Variants in SMAD2 observed in about 807,000 individuals in gnomAD.
The protein encoded by SMAD2 is SMAD family member 2.
SMAD2 carries 8 observed loss-of-function variants against 64.4 expected under a neutral mutation model. The observed-to-expected ratio is 0.12, with a 90% CI of 0.07 to 0.22. The LOEUF (loss-of-function observed/expected upper bound fraction) is 0.22. Among genes scored for constraint, SMAD2 ranks in the 10% least tolerant of loss-of-function variants. The pLI, the probability that SMAD2 is intolerant of heterozygous loss-of-function variation, is 1.00. For missense variants in SMAD2, 289 were observed against 561.2 expected (o/e 0.51, Z 4.90); for synonymous variants, 203 against 195.8 (o/e 1.04, Z -0.31).
In SMAD2 at chr18:47,845,376, C is replaced by A; in HGVS notation, c.1244G>T (p.Arg415Ile). 1 of 1,613,946 alleles carries A rather than the reference C, an allele frequency of 6.2e-7. No homozygotes were observed. Reference sequence around the variant, plus strand: ...TCCCCACCCTTTCACAAAACTCATTCTTATGGTGCACATTCTAGTTAGCTG... The same window carrying A: ...TCCCCACCCTTTCACAAAACTCATTATTATGGTGCACATTCTAGTTAGCTG... Reference protein sequence around the residue: ...VYQLTRMCTIRMSFVKGWGAE... With the variant: ...VYQLTRMCTIIMSFVKGWGAE... The change falls in exon 10 of 11, where the codon AGA (arginine) becomes ATA (isoleucine). Residue 415 changes from arginine (R) to isoleucine (I), a missense_variant. Physicochemically the swap from Arg to Ile is moderately conservative, Grantham distance 97. This residue lies in a region of SMAD2 where 20 missense variants were observed against 82.8 expected (regional missense o/e 0.24). Transcript: ENST00000262160.
intron 6 of SMAD2, among the ~76,000 whole-genome samples, chr18:47,855,278 T>C (rs1384618962): frequency 6.6e-6 from 1 of 152,236 alleles, no homozygotes; most frequent in East Asian, 1.9e-4. Flanking sequence ...TCTTGGTTGC[T>C]TCCAAGTTTT....
rs371398520 is a variant in SMAD2, at chr18:47,896,781, C to T, written c.-25G>A. Reference sequence around the variant, plus strand: ...TGTTCTTACCAAAGGCAGCAAGCCACGCTAGGAAAACAGCCTCTTGTATCG... The same window carrying T: ...TGTTCTTACCAAAGGCAGCAAGCCATGCTAGGAAAACAGCCTCTTGTATCG... On this transcript the variant is annotated 5_prime_UTR_variant, in exon 2 of 11. In the 5' UTR this introduces an upstream ATG that the reference lacks. Transcript: ENST00000262160. 90 of 1,609,580 alleles carry T rather than the reference C, an allele frequency of 5.6e-5. No individual in the cohort carries two copies. Among genetic ancestry groups the T allele is most frequent in the Non-Finnish European group, 7.0e-5 (82 of 1,177,998 alleles).
rs942002546 is a variant in SMAD2 at position 47,817,756 on chromosome 18, T to C, written c.*24071A>G. The stretch of plus-strand genomic sequence containing the variant: ...ATGGTTACATGCATCTGTAAATGAT[T>C]TGGCTCTTTTCCCCTGTTTCTGAAC... On this transcript the variant is annotated 3_prime_UTR_variant, in exon 11 of 11. Coordinates refer to ENST00000262160, the MANE Select transcript of SMAD2 (RefSeq NM_005901.6). The C allele has an allele frequency of 6.6e-6, 1 of 152,234 alleles. No homozygotes were observed. Among genetic ancestry groups the C allele is most frequent in the Admixed American group, 6.5e-5 (1 of 15,286 alleles). 9.4% of individuals were successfully genotyped at this position (152,234 alleles called of 1,614,324 possible). A position where few individuals can be genotyped will look rare whatever the true frequency, so the allele number is the denominator to read the frequency against.
rs752085525 is a variant in SMAD2, at chr18:47,854,519, AAC to A, written c.731-3194_731-3193del. ...TTTTTAATTTCTTGTTTTTGTTGTAAACAGTGTATTTCTGTTCTTTTAGCCAA... is the reference window on the plus strand; with the variant it reads ...TTTTTAATTTCTTGTTTTTGTTGTAAAGTGTATTTCTGTTCTTTTAGCCAA... On this transcript the variant is annotated intron_variant, in intron 6 of 10. Coordinates refer to ENST00000262160, the MANE Select transcript of SMAD2 (RefSeq NM_005901.6). 1.2e-4 allele frequency among the ~76,000 whole-genome samples: 18 copies of A among 152,258 alleles called. No homozygotes were observed. The South Asian group carries it at 1.5e-3, about 12-fold the overall frequency.
chr18:47,851,240 TA>T, intron 7 of SMAD2, 33 bp downstream of exon 7: 1 of 1,459,290 alleles, frequency 6.9e-7, no homozygotes, highest in Non-Finnish European at 9.6e-7. Flanking sequence ...TGATACAGTA[TA>T]AAAATGATGA....
At position 47,840,406 on chromosome 18, in the gene SMAD2, G is replaced by A. The variant is rs550615332; in HGVS notation, c.*1421C>T. ...CAGAATGAACTAGCAACAGAGTTTC[G>A]GAAATCTCCTCTCACTACAGAGCAT... On this transcript the variant is annotated 3_prime_UTR_variant, in exon 11 of 11. Transcript: ENST00000262160. 2.0e-4 allele frequency: 46 copies of A among 232,620 alleles called. No homozygotes were observed. Among genetic ancestry groups the A allele is most frequent in the Non-Finnish European group, 3.1e-4 (36 of 117,790 alleles). The allele number at this position is 232,620 out of a possible 1,614,324, so 14.4% of individuals were successfully genotyped here.
In SMAD2 at chr18:47,861,700, A is replaced by G. The variant is rs550838690; in HGVS notation, c.730+3359T>C. ...CAAAAATCTTACTTTCCTATTTTAT[A>G]GAGCTGATCCTAAACCACAAAAATC... On this transcript the variant is annotated intron_variant, in intron 6 of 10. Transcript: ENST00000262160. Among the ~76,000 whole-genome samples the G allele has an allele frequency of 7.9e-5, 12 of 152,334 alleles. No homozygotes were observed. In the East Asian group the frequency reaches 9.7e-4, roughly 12 times the overall value.
rs1010194083 is a variant in SMAD2, at chr18:47,930,554, G to T, written c.-247C>A. The T allele has an allele frequency of 1.3e-5, 2 of 149,064 alleles. No homozygotes were observed. Among genetic ancestry groups the T allele is most frequent in the African/African-American group, 4.9e-5 (2 of 40,624 alleles). 9.2% of individuals were successfully genotyped at this position (149,064 alleles called of 1,614,324 possible). On this transcript the variant is annotated 5_prime_UTR_variant, in exon 1 of 11. Transcript: ENST00000262160. ...CCCGGGCCCGGCCGGCGGCCCGGGC[G>T]CGCGGGAGGGTAGGGGAAGAGAGGG...
intron 10 of SMAD2, 72 bp downstream of exon 10, chr18:47,845,268 C>G (rs1914387515): frequency 7.1e-7 from 1 of 1,399,448 alleles, no homozygotes; most frequent in African/African-American, 1.4e-5. Flanking sequence ...CAAATGAACT[C>G]CAGAATATGC....
intron 2 of SMAD2, among the ~76,000 whole-genome samples, chr18:47,874,803 T>A (rs76185588): frequency 1.3e-5 from 2 of 152,148 alleles, no homozygotes; most frequent in African/African-American, 2.4e-5. Flanking sequence ...GAGGTTCCAA[T>A]GTATGTGTAT....
chr18:47,832,376 G>A lies in SMAD2; in HGVS notation c.*9451C>T, dbSNP rs183750505. On this transcript the variant is annotated 3_prime_UTR_variant, in exon 11 of 11. Coordinates refer to ENST00000262160, the MANE Select transcript of SMAD2 (RefSeq NM_005901.6). ...TTTTAGATTATTTATACAGTGGCAG[G>A]TGGTAGCAATTACAGTAAATTTTCT... The A allele has an allele frequency of 1.3e-5, 2 of 152,284 alleles. No individual in the cohort carries two copies. The highest frequency in any genetic ancestry group is 1.3e-4 in the Admixed American group (2 of 15,302). 9.4% of individuals were successfully genotyped at this position (152,284 alleles called of 1,614,324 possible). A position where few individuals can be genotyped will look rare whatever the true frequency, so the allele number is the denominator to read the frequency against.
rs747216495 is a variant in SMAD2, at chr18:47,828,935, T to TAAAAAAAAAAAAAA, written c.*12878_*12891dup. On this transcript the variant is annotated 3_prime_UTR_variant, in exon 11 of 11. Transcript: ENST00000262160. ...ACACCCAAGAATGATCAATAAATACTAAAAAAAAAAAAAAAAAAAAAAAAA... is the reference window on the plus strand; with the variant it reads ...ACACCCAAGAATGATCAATAAATACTAAAAAAAAAAAAAAAAAAAAAAAAAAAAAAAAAAAAAAA... 3.1e-5 allele frequency: 1 copy of TAAAAAAAAAAAAAA among 32,486 alleles called. No individual in the cohort carries two copies. The highest frequency in any genetic ancestry group is 1.3e-4 in the African/African-American group (1 of 7,776). 2.0% of individuals were successfully genotyped at this position (32,486 alleles called of 1,614,324 possible). A position where few individuals can be genotyped will look rare whatever the true frequency, so the allele number is the denominator to read the frequency against.
At chr18:47,914,370 G>T (rs2034256287) in intron 1 of SMAD2, among the ~76,000 whole-genome samples, 1 of 152,140 alleles carries the variant, frequency 6.6e-6, no homozygotes, top group African/African-American at 2.4e-5. Context: ...GAGTGCTTAA[G>T]CCTAAGAGTC....
At position 47,834,806 on chromosome 18, in the gene SMAD2, A is replaced by T. The variant is rs1275300416; in HGVS notation, c.*7021T>A. 3 of 219,268 alleles carry T rather than the reference A, an allele frequency of 1.4e-5. No homozygotes were observed. Among genetic ancestry groups the T allele is most frequent in the Non-Finnish European group, 2.7e-5 (3 of 109,196 alleles). The allele number at this position is 219,268 out of a possible 1,614,324, so 13.6% of individuals were successfully genotyped here. A position where few individuals can be genotyped will look rare whatever the true frequency, so the allele number is the denominator to read the frequency against. ...TTTACTGTATTCTCTTTTTGCAATTAATCCAGTTTTGTATGTCTTTTCTTT... is the reference window on the plus strand; with the variant it reads ...TTTACTGTATTCTCTTTTTGCAATTTATCCAGTTTTGTATGTCTTTTCTTT... On this transcript the variant is annotated 3_prime_UTR_variant, in exon 11 of 11. Coordinates refer to ENST00000262160, the MANE Select transcript of SMAD2 (RefSeq NM_005901.6).
chr18:47,921,747 C>T (rs1236623254), intron 1 of SMAD2, among the ~76,000 whole-genome samples: 1 of 152,114 alleles, frequency 6.6e-6, no homozygotes, highest in Admixed American at 6.5e-5. Flanking sequence ...TAGTAAATCC[C>T]CCAAGGCCAC....
chr18:47,922,877 G>A (rs771960504), intron 1 of SMAD2, among the ~76,000 whole-genome samples: 2 of 152,164 alleles, frequency 1.3e-5, no homozygotes, highest in Non-Finnish European at 2.9e-5. Flanking sequence ...TGGAAACCTA[G>A]GTCGGCCCCC....
intron 6 of SMAD2, among the ~76,000 whole-genome samples, chr18:47,860,011 T>C (rs2031040639): frequency 6.6e-6 from 1 of 152,110 alleles, no homozygotes; most frequent in Non-Finnish European, 1.5e-5. Context: ...AGCATGTACC[T>C]GTGGTCCCAG....
At chr18:47,886,581 CTATCT>C (rs1568084037) in intron 2 of SMAD2, among the ~76,000 whole-genome samples, 231 of 146,918 alleles carry the variant, frequency 1.6e-3, no homozygotes, top group African/African-American at 5.7e-3. Context: ...ATCTATCTAT[CTATCT>C]ATCTATCTAT....
chr18:47,870,398 C>T, intron 3 of SMAD2, 77 bp downstream of exon 3: 1 of 1,033,420 alleles, frequency 9.7e-7, no homozygotes, highest in Non-Finnish European at 1.5e-6. Flanking sequence ...TTATACTAAG[C>T]AACCCCATAT....
Sources: allele counts gnomAD v4.1 joint callset (sites outside exome capture counted in the v4.1 genomes callset), GRCh38; gene constraint gnomAD v4.1.1; regional missense constraint gnomAD v4.1.1; transcripts MANE v1.5; gene names NCBI Gene and HGNC (gene_info 2026-07-23, HGNC 2026-07-21).